RSF1: variants seen among roughly 807,000 people sequenced by gnomAD.
RSF1 encodes remodeling and spacing factor 1.
RSF1 carries 13 observed loss-of-function variants against 145.2 expected under a neutral mutation model. That is an observed-to-expected ratio of 0.09 (90% CI 0.06 to 0.14). RSF1 has a LOEUF of 0.14. Among genes scored for constraint, RSF1 ranks in the 10% least tolerant of loss-of-function variants. RSF1 has a pLI of 1.00. For synonymous variants in RSF1, 577 were observed against 592.6 expected (o/e 0.97, Z 0.38); for missense variants, 1,517 against 1,718.2 (o/e 0.88, Z 2.07).
chr11:77,807,376 A>C (rs1455917643), intron 1 of RSF1, among the ~76,000 whole-genome samples: 1 of 152,208 alleles, frequency 6.6e-6, no homozygotes, highest in Non-Finnish European at 1.5e-5. Flanking sequence ...ATTACTCTAA[A>C]CAGTAGTTAT....
chr11:77,793,799 C>T (rs940174255), intron 1 of RSF1, among the ~76,000 whole-genome samples: 26 of 152,076 alleles, frequency 1.7e-4, no homozygotes, highest in African/African-American at 5.8e-4. Flanking sequence ...GACAACCATC[C>T]CCAATAGAGG....
the RSF1 span, chr11:77,872,180 T>TTCA: frequency 1.2e-6 from 2 of 1,612,726 alleles, no homozygotes; most frequent in Non-Finnish European, 1.7e-6. Flanking sequence ...CCCAGGTGCC[T>TTCA]TCATCAACTG....
At chr11:77,794,728 C>T (rs1948554634) in intron 1 of RSF1, among the ~76,000 whole-genome samples, 1 of 152,044 alleles carries the variant, frequency 6.6e-6, no homozygotes, top group South Asian at 2.1e-4. Flanking sequence ...AGATAACAAA[C>T]CCACAGCTAA....
At chr11:77,792,346 C>A (rs540499332) in intron 1 of RSF1, among the ~76,000 whole-genome samples, 1 of 152,226 alleles carries the variant, frequency 6.6e-6, no homozygotes, top group South Asian at 2.1e-4. Context: ...CAAACCATAT[C>A]CAAGCCCAAG....
rs201410782 is a variant in RSF1, at chr11:77,796,864, AACAG to A, written c.187+23660_187+23663del. ...ATCACAAGCATTCCTATACACCAAT[AACAG>A]ACAAACTGAGAGCCAAATCATGAGT... On this transcript the variant is annotated intron_variant, in intron 1 of 15. Coordinates refer to ENST00000308488, the MANE Select transcript of RSF1 (RefSeq NM_016578.4). 9.4e-3 allele frequency among the ~76,000 whole-genome samples: 1,439 copies of A among 152,326 alleles called. 22 individuals are homozygous for A. The highest frequency in any genetic ancestry group is 0.032 in the African/African-American group (1,315 of 41,586).
intron 2 of RSF1, 44 bp from the exon 3 acceptor site, chr11:77,747,172 A>G: frequency 1.6e-6 from 2 of 1,219,252 alleles, no homozygotes; most frequent in Non-Finnish European, 2.4e-6. Flanking sequence ...AGCAATTTTT[A>G]TTTATGTTTG....
chr11:77,669,322 C>T (rs1489247267), intron 15 of RSF1, among the ~76,000 whole-genome samples: 1 of 152,168 alleles, frequency 6.6e-6, no homozygotes, highest in Non-Finnish European at 1.5e-5. Context: ...CTATTCATAA[C>T]ACAGCTACCA....
intron 1 of RSF1, among the ~76,000 whole-genome samples, chr11:77,778,152 A>C (rs1289173750): frequency 2.0e-4 from 1 of 4,952 alleles, no homozygotes; most frequent in East Asian, 0.011. Flanking sequence ...TGGAGGGGGG[A>C]GGGAAGGGGG....
chr11:77,787,678 TAATC>T (rs1465990623), intron 1 of RSF1, among the ~76,000 whole-genome samples: 1 of 152,096 alleles, frequency 6.6e-6, no homozygotes. Context: ...AGATGCTAAA[TAATC>T]AATCTCTTTC....
intron 1 of RSF1, among the ~76,000 whole-genome samples, chr11:77,813,139 A>G (rs575426583): frequency 1.3e-5 from 2 of 152,272 alleles, no homozygotes; most frequent in Non-Finnish European, 2.9e-5. Context: ...TAAAATCAGA[A>G]TATCTTACAC....
chr11:77,716,491 G>A (rs1390247396), intron 5 of RSF1, among the ~76,000 whole-genome samples: 1 of 152,196 alleles, frequency 6.6e-6, no homozygotes, highest in Non-Finnish European at 1.5e-5. Flanking sequence ...AAACCTGGAA[G>A]ATACTATGCT....
At chr11:77,721,531 A>T (rs1468682540) in intron 5 of RSF1, among the ~76,000 whole-genome samples, 2 of 152,194 alleles carry the variant, frequency 1.3e-5, no homozygotes, top group African/African-American at 4.8e-5. Context: ...TTAACAAGCT[A>T]TGTGACCTTG....
At chr11:77,828,123 A>T in the RSF1 span, among the ~76,000 whole-genome samples, 1 of 152,024 alleles carries the variant, frequency 6.6e-6, no homozygotes, top group African/African-American at 2.4e-5. Flanking sequence ...AAAATACAAA[A>T]AACTAGCTGG....
chr11:77,868,631 A>C, the RSF1 span: 1 of 151,332 alleles, frequency 6.6e-6, no homozygotes, highest in African/African-American at 2.5e-5. Context: ...GTGAGCCACC[A>C]TACCTGGCCA....
At chr11:77,745,411 A>C (rs926948964) in intron 3 of RSF1, among the ~76,000 whole-genome samples, 3 of 151,906 alleles carry the variant, frequency 2.0e-5, no homozygotes, top group Admixed American at 6.6e-5. Context: ...GATTGCTATG[A>C]ACTTCCCTCT....
chr11:77,814,358 C>G (rs112392589), intron 1 of RSF1, among the ~76,000 whole-genome samples: 19,534 of 151,914 alleles, frequency 0.13, 1,441 homozygotes, highest in Admixed American at 0.19. Flanking sequence ...TAAAAATTAG[C>G]TGGGCATGGT....
rs571721817 is a variant in RSF1, at chr11:77,675,071, T to A, written c.3527A>T (p.Glu1176Val). Residue 1176 changes from glutamate to valine, a missense_variant, in exon 14 of 16, where the codon GAA becomes GTA. This residue lies in a region of RSF1 where 231 missense variants were observed against 276.6 expected (regional missense o/e 0.84). Transcript: ENST00000308488. ...TPKKKYSDDD[E>V]EEESEENSRD... ...ACTATTCTCCTCAGATTCCTCCTCT[T>A]CATCATCATCGGAATATTTTTTCTT... The A allele has an allele frequency of 1.3e-5, 21 of 1,613,848 alleles. No homozygotes were observed. In the African/African-American group the frequency reaches 2.8e-4, roughly 22 times the overall value.
At chr11:77,713,261 T>G (rs973588129) in intron 5 of RSF1, among the ~76,000 whole-genome samples, 8 of 152,166 alleles carry the variant, frequency 5.3e-5, no homozygotes, top group Non-Finnish European at 8.8e-5. Context: ...GGAAAAGAGA[T>G]TATAGATATT....
intron 4 of RSF1, among the ~76,000 whole-genome samples, chr11:77,731,557 G>C (rs888773400): frequency 6.6e-6 from 1 of 152,182 alleles, no homozygotes; most frequent in Non-Finnish European, 1.5e-5. Flanking sequence ...AGGTCTTCAC[G>C]GCAGCCCCTC....
Sources: allele counts gnomAD v4.1 joint callset (sites outside exome capture counted in the v4.1 genomes callset), GRCh38; gene constraint gnomAD v4.1.1; regional missense constraint gnomAD v4.1.1; transcripts MANE v1.5; gene names NCBI Gene and HGNC (gene_info 2026-07-23, HGNC 2026-07-21).